IP6K1: variants seen among roughly 807,000 people sequenced by gnomAD.
IP6K1 encodes inositol hexakisphosphate kinase 1.
In IP6K1, 13 loss-of-function variants were observed where a neutral mutation model predicts 38.3. That is an observed-to-expected ratio of 0.34 (90% CI 0.22 to 0.54). IP6K1 has a LOEUF of 0.54. IP6K1 is among the 20% of genes least tolerant of loss of function. The pLI, the probability that IP6K1 is intolerant of heterozygous loss-of-function variation, is 0.92. For synonymous variants in IP6K1, 212 were observed against 229.9 expected, an observed-to-expected ratio of 0.92 and a Z score of 0.70; for missense variants, 397 against 599.8, an observed-to-expected ratio of 0.66 and a Z score of 3.53.
At position 49,748,010 on chromosome 3, in the gene IP6K1, G is replaced by T. The variant is rs2080737949; in HGVS notation, c.31C>A (p.Gln11Lys). 1 of 1,613,670 alleles carries T rather than the reference G, an allele frequency of 6.2e-7. No homozygotes were observed. The highest frequency in any genetic ancestry group is 1.3e-5 in the African/African-American group (1 of 75,014). Residue 11 changes from glutamine to lysine, a missense_variant, in exon 2 of 6, where the codon CAG becomes AAG. Gln to Lys is a moderately conservative substitution (Grantham distance 53). Coordinates refer to ENST00000321599, the MANE Select transcript of IP6K1 (RefSeq NM_153273.4). MCVCQTMEVG[Q>K]YGKNASRAGD... ...GCCCGACTTGCATTCTTGCCATACTGCCCCACTTCCATGGTTTGACAAACA... is the reference window on the plus strand; with the variant it reads ...GCCCGACTTGCATTCTTGCCATACTTCCCCACTTCCATGGTTTGACAAACA...
chr3:49,745,853 CAAA>C (rs1182788414), intron 2 of IP6K1, among the ~76,000 whole-genome samples: 7 of 56,950 alleles, frequency 1.2e-4, no homozygotes, highest in Admixed American at 9.0e-4. Flanking sequence ...GACTCTGTCT[CAAA>C]AAAAAAAAAA....
chr3:49,750,965 C>T (rs1252310088), intron 1 of IP6K1, among the ~76,000 whole-genome samples: 1 of 152,086 alleles, frequency 6.6e-6, no homozygotes, highest in African/African-American at 2.4e-5. Flanking sequence ...AGTGGAAGTA[C>T]CCCAGAACCC....
At chr3:49,737,815 A>T (rs2080626048) in intron 3 of IP6K1, among the ~76,000 whole-genome samples, 2 of 152,234 alleles carry the variant, frequency 1.3e-5, no homozygotes, top group African/African-American at 4.8e-5. Context: ...ACCATTAGGG[A>T]ACTCCTGGTT....
At chr3:49,759,936 T>C (rs1476163639) in intron 1 of IP6K1, among the ~76,000 whole-genome samples, 1 of 152,196 alleles carries the variant, frequency 6.6e-6, no homozygotes, top group African/African-American at 2.4e-5. Flanking sequence ...AGGGTCTCAC[T>C]CTGTCACCCA....
chr3:49,742,285 T>C (rs183803425), intron 2 of IP6K1, among the ~76,000 whole-genome samples: 106 of 152,226 alleles, frequency 7.0e-4, no homozygotes, highest in African/African-American at 1.5e-3. Flanking sequence ...CACGGTGGCT[T>C]ACGCCTGTAA....
At chr3:49,758,314 CAAAAAAA>C (rs11359274) in intron 1 of IP6K1, among the ~76,000 whole-genome samples, 1 of 54,404 alleles carries the variant, frequency 1.8e-5, no homozygotes, top group Non-Finnish European at 3.3e-5. Flanking sequence ...GACTCCATCT[CAAAAAAA>C]AAAAAAAAAA....
In IP6K1 at chr3:49,732,813, C is replaced by T. The variant is rs1403241028; in HGVS notation, c.594G>A (p.Glu198=). The part of the protein sequence containing the change: ...HKQQLSRMRS[E]SKDRKLYKFL... ...TACTGTAGAGCTTTCGGTCCTTGGACTCGGAGCGCATGCGGCTCAGCTGCT... is the reference window on the plus strand; with the variant it reads ...TACTGTAGAGCTTTCGGTCCTTGGATTCGGAGCGCATGCGGCTCAGCTGCT... Residue 198 remains glutamate (E), a synonymous_variant, in exon 4 of 6, where the codon GAG becomes GAA. Transcript: ENST00000321599. The T allele has an allele frequency of 6.2e-7, 1 of 1,613,732 alleles. No individual in the cohort carries two copies. Among genetic ancestry groups the T allele is most frequent in the Admixed American group, 1.7e-5 (1 of 60,008 alleles).
chr3:49,739,010 G>C (rs1463549230), intron 2 of IP6K1, among the ~76,000 whole-genome samples: 1 of 152,100 alleles, frequency 6.6e-6, no homozygotes, highest in Non-Finnish European at 1.5e-5. Flanking sequence ...AGTTTTTTGT[G>C]CCCATTTTAA....
chr3:49,735,264 A>T (rs1389778695), intron 3 of IP6K1, among the ~76,000 whole-genome samples: 1 of 152,140 alleles, frequency 6.6e-6, no homozygotes, highest in Non-Finnish European at 1.5e-5. Flanking sequence ...CTGAGGTGAG[A>T]GGGGATAGGA....
At chr3:49,743,187 T>C (rs889046630) in intron 2 of IP6K1, among the ~76,000 whole-genome samples, 7 of 151,330 alleles carry the variant, frequency 4.6e-5, no homozygotes, top group African/African-American at 1.2e-4. Flanking sequence ...ACCACTGCAC[T>C]CTAGCCTAGG....
At chr3:49,760,623 CAAAAAAAA>C (rs56070382) in intron 1 of IP6K1, among the ~76,000 whole-genome samples, 8 of 100,374 alleles carry the variant, frequency 8.0e-5, no homozygotes, top group African/African-American at 2.9e-4. Context: ...GACTTCGTCT[CAAAAAAAA>C]AAAAAAAAAA....
intron 2 of IP6K1, among the ~76,000 whole-genome samples, chr3:49,741,588 A>C (rs1427303847): frequency 6.6e-6 from 1 of 152,244 alleles, no homozygotes; most frequent in African/African-American, 2.4e-5. Context: ...ATAAGAACAA[A>C]GCCAGAAATA....
intron 5 of IP6K1, 41 bp downstream of exon 5, chr3:49,728,062 T>C (rs2080525390): frequency 1.3e-6 from 2 of 1,583,234 alleles, no homozygotes; most frequent in Non-Finnish European, 8.6e-7. Flanking sequence ...ACCCAAATCA[T>C]GCAAGTGGCA....
At chr3:49,758,879 T>G (rs951606063) in intron 1 of IP6K1, among the ~76,000 whole-genome samples, 3 of 151,906 alleles carry the variant, frequency 2.0e-5, no homozygotes, top group African/African-American at 7.3e-5. Flanking sequence ...GAGAATCGCT[T>G]GAACCCAGGA....
rs1553697561 is a variant in IP6K1, at chr3:49,780,309, T to TACAAACACACACACACACACACAC, written c.-129+6044_-129+6045insGTGTGTGTGTGTGTGTGTGTTTGT. ...ACACGAGAATCTTTATCATCTTTCA[T>TACAAACACACACACACACACACAC]ACACACACACACACACACACACACA... is the stretch of plus-strand genomic sequence containing the variant. On this transcript the variant is annotated intron_variant, in intron 1 of 5. Transcript: ENST00000321599. 2.6e-5 allele frequency among the ~76,000 whole-genome samples: 3 copies of TACAAACACACACACACACACACAC among 117,546 alleles called. No homozygotes were observed. In the Admixed American group the frequency reaches 2.8e-4, roughly 11 times the overall value. 77.1% of individuals were successfully genotyped at this position (117,546 alleles called of 152,430 possible).
chr3:49,750,678 C>T (rs1157645955), intron 1 of IP6K1, among the ~76,000 whole-genome samples: 5 of 151,056 alleles, frequency 3.3e-5, no homozygotes, highest in South Asian at 2.1e-4. Flanking sequence ...CCAGCCTGGG[C>T]GACAGAGCGG....
chr3:49,736,459 T>C (rs1473936794), intron 3 of IP6K1, among the ~76,000 whole-genome samples: 1 of 152,160 alleles, frequency 6.6e-6, no homozygotes, highest in Non-Finnish European at 1.5e-5. Context: ...TTTACATAAA[T>C]GGCATTGTAC....
At chr3:49,780,480 G>T (rs369654150) in intron 1 of IP6K1, among the ~76,000 whole-genome samples, 2 of 152,122 alleles carry the variant, frequency 1.3e-5, no homozygotes, top group Non-Finnish European at 2.9e-5. Context: ...CTTCCTTGTT[G>T]CAAGTCAGAA....
intron 1 of IP6K1, among the ~76,000 whole-genome samples, chr3:49,759,928 G>A (rs2108248296): frequency 6.6e-6 from 1 of 152,210 alleles, no homozygotes; most frequent in East Asian, 1.9e-4. Context: ...TTCGAGACAG[G>A]GTCTCACTCT....
Sources: allele counts gnomAD v4.1 joint callset (sites outside exome capture counted in the v4.1 genomes callset), GRCh38; gene constraint gnomAD v4.1.1; transcripts MANE v1.5; gene names NCBI Gene and HGNC (gene_info 2026-07-23, HGNC 2026-07-21).